The following RFX7 variants were observed in gnomAD, a reference collection of about 807,000 sequenced individuals.
RFX7 encodes DNA-binding protein RFX7.
RFX7 carries 26 observed loss-of-function variants against 111.8 expected under a neutral mutation model. The ratio of observed to expected loss-of-function variants is 0.23; its 90% CI spans 0.17 to 0.32. The LOEUF (loss-of-function observed/expected upper bound fraction) is 0.32, where lower values mean the gene tolerates loss of function less well. Ranked by LOEUF, RFX7 falls within the 10% of genes least tolerant of loss-of-function variation. RFX7 has a pLI of 1.00. For missense variants in RFX7, 1,573 were observed against 1,772.9 expected, an observed-to-expected ratio of 0.89 and a Z score of 2.02; for synonymous variants, 624 against 624.4, an observed-to-expected ratio of 1.00 and a Z score of 0.01.
intron 5 of RFX7, among the ~76,000 whole-genome samples, chr15:56,113,148 C>T (rs1468654251): frequency 6.6e-6 from 1 of 152,216 alleles, no homozygotes; most frequent in African/African-American, 2.4e-5. Context: ...AATTCCATTA[C>T]TGGGTATATA....
At chr15:56,239,042 C>T (rs2043657002) in intron 2 of RFX7, among the ~76,000 whole-genome samples, 1 of 151,928 alleles carries the variant, frequency 6.6e-6, no homozygotes, top group Admixed American at 6.5e-5. Flanking sequence ...CCGTGTTGCC[C>T]AGGCTGGTCG....
intron 3 of RFX7, among the ~76,000 whole-genome samples, chr15:56,169,961 A>C (rs2042827977): frequency 6.6e-6 from 1 of 152,146 alleles, no homozygotes; most frequent in Non-Finnish European, 1.5e-5. Context: ...AGTTATCTTT[A>C]CTTATTGGCA....
chr15:56,212,168 G>A (rs1280094404), intron 2 of RFX7, among the ~76,000 whole-genome samples: 1 of 152,112 alleles, frequency 6.6e-6, no homozygotes, highest in Non-Finnish European at 1.5e-5. Flanking sequence ...ATGATTCAGT[G>A]CTAAAAAGAA....
At chr15:56,170,206 C>T (rs572438415) in intron 3 of RFX7, among the ~76,000 whole-genome samples, 31 of 152,184 alleles carry the variant, frequency 2.0e-4, no homozygotes, top group African/African-American at 6.3e-4. Flanking sequence ...ATAAAAATGC[C>T]AATTATAACT....
chr15:56,193,422 T>C (rs888472742), intron 2 of RFX7, among the ~76,000 whole-genome samples: 2 of 152,220 alleles, frequency 1.3e-5, no homozygotes, highest in Non-Finnish European at 2.9e-5. Context: ...AATGACAATG[T>C]ATGCTCAACA....
Position 56,243,494 on chromosome 15 carries a change from G to A in RFX7, c.-52C>T. 1.0e-6 allele frequency: 1 copy of A among 984,904 alleles called. No homozygotes were observed. The highest frequency in any genetic ancestry group is 1.2e-6 in the Non-Finnish European group (1 of 829,734). 61.0% of individuals were successfully genotyped at this position (984,904 alleles called of 1,614,324 possible). ...CGCCTGCCGCCTGGGGAACATCACC[G>A]GGGAGACCAGCGGCTCCTCACGGCC... On this transcript the variant is annotated 5_prime_UTR_variant, in exon 1 of 10. Coordinates refer to ENST00000559447, the MANE Select transcript of RFX7 (RefSeq NM_022841.7).
At chr15:56,226,742 A>T (rs1249047213) in intron 2 of RFX7, among the ~76,000 whole-genome samples, 1 of 152,186 alleles carries the variant, frequency 6.6e-6, no homozygotes, top group East Asian at 1.9e-4. Context: ...GATGTAAATT[A>T]CCCACTACTT....
chr15:56,244,200 AATCAACATT>A (rs1300171295), upstream of RFX7: 1 of 152,206 alleles, frequency 6.6e-6, no homozygotes, highest in Admixed American at 6.5e-5. Context: ...AGTAAAGAGA[AATCAACATT>A]ATCCCCCTTC....
intron 5 of RFX7, among the ~76,000 whole-genome samples, chr15:56,137,753 G>A: frequency 6.6e-6 from 1 of 152,014 alleles, no homozygotes; most frequent in Non-Finnish European, 1.5e-5. Context: ...TGGGCATTTA[G>A]TGCTATAAAT....
chr15:56,154,305 A>C (rs2042618642), intron 3 of RFX7, among the ~76,000 whole-genome samples: 1 of 152,216 alleles, frequency 6.6e-6, no homozygotes. Flanking sequence ...TGGAACCAAA[A>C]AAGAGCCCGC....
chr15:56,215,906 C>T (rs75833539), intron 2 of RFX7, among the ~76,000 whole-genome samples: 19,807 of 152,092 alleles, frequency 0.13, 1,697 homozygotes, highest in East Asian at 0.44. Context: ...AGATGGATCA[C>T]TCACACTGCA....
chr15:56,114,424 AAAAC>A (rs1357441642), intron 5 of RFX7, among the ~76,000 whole-genome samples: 3 of 151,152 alleles, frequency 2.0e-5, no homozygotes, highest in South Asian at 2.1e-4. Context: ...AAAAAAAAAA[AAAAC>A]AAACAACAAC....
At chr15:56,116,745 T>C (rs992547109) in intron 5 of RFX7, among the ~76,000 whole-genome samples, 1 of 152,150 alleles carries the variant, frequency 6.6e-6, no homozygotes, top group Non-Finnish European at 1.5e-5. Context: ...TGCAGAAGAA[T>C]GAGCTAAGAA....
chr15:56,139,869 G>C (rs1273776676), intron 5 of RFX7, among the ~76,000 whole-genome samples: 7 of 152,250 alleles, frequency 4.6e-5, no homozygotes, highest in East Asian at 1.9e-4. Context: ...GTTGGAATAC[G>C]CTGCAGTGTG....
chr15:56,196,371 G>A (rs376181339), intron 2 of RFX7, among the ~76,000 whole-genome samples: 50 of 151,892 alleles, frequency 3.3e-4, no homozygotes, highest in African/African-American at 1.1e-3. Context: ...TACTACAAAT[G>A]CTGACTATCT....
intron 2 of RFX7, chr15:56,193,110 C>T (rs2043115264): frequency 4.0e-6 from 1 of 247,832 alleles, no homozygotes; most frequent in Admixed American, 4.0e-5. Context: ...GCCAAGATGT[C>T]CTCTGTCTGG....
At chr15:56,206,673 GAAC>G (rs1397984382) in intron 2 of RFX7, among the ~76,000 whole-genome samples, 1 of 151,650 alleles carries the variant, frequency 6.6e-6, no homozygotes, top group African/African-American at 2.4e-5. Context: ...CCATAAAAAA[GAAC>G]AACATCCTGT....
intron 2 of RFX7, 73 bp downstream of exon 2, chr15:56,243,052 C>T (rs2043725168): frequency 2.8e-6 from 2 of 721,680 alleles, no homozygotes; most frequent in Non-Finnish European, 4.3e-6. Context: ...TCCCCCCGCC[C>T]GCCGCCCCCC....
chr15:56,109,800 C>T (rs2041887117), intron 5 of RFX7, among the ~76,000 whole-genome samples: 1 of 151,416 alleles, frequency 6.6e-6, no homozygotes, highest in Non-Finnish European at 1.5e-5. Flanking sequence ...TGAGGAGCCC[C>T]TCCGCCCAGC....
Sources: gnomAD v4.1 joint callset for allele counts (sites outside exome capture counted in the v4.1 genomes callset) on GRCh38, gnomAD v4.1.1 for gene constraint, MANE v1.5 for transcripts, NCBI Gene and HGNC (gene_info 2026-07-23, HGNC 2026-07-21) for gene names.